ARIH1: variants seen among roughly 807,000 people sequenced by gnomAD.
The protein encoded by ARIH1 is E3 ubiquitin-protein ligase ARIH1.
ARIH1 carries 8 observed loss-of-function variants against 85.0 expected under a neutral mutation model. The ratio of observed to expected loss-of-function variants is 0.09; its 90% CI spans 0.06 to 0.17. The LOEUF (loss-of-function observed/expected upper bound fraction) is 0.17. ARIH1 is among the 10% of genes least tolerant of loss of function. ARIH1 has a pLI of 1.00. For missense variants in ARIH1, 311 were observed against 718.1 expected, an observed-to-expected ratio of 0.43 and a Z score of 6.48; for synonymous variants, 238 against 253.6, an observed-to-expected ratio of 0.94 and a Z score of 0.59.
rs116646794 is a variant in ARIH1, at chr15:72,593,371, T to A, written c.*10079T>A. 4.1e-4 allele frequency: 62 copies of A among 152,300 alleles called. No homozygotes were observed. The highest frequency in any genetic ancestry group is 1.4e-3 in the African/African-American group (59 of 41,580). The allele number at this position is 152,300 out of a possible 1,614,324, so 9.4% of individuals were successfully genotyped here. On this transcript the variant is annotated 3_prime_UTR_variant, in exon 14 of 14. Transcript: ENST00000379887. Reference sequence around the variant, plus strand: ...TCTTTCGATGAACAAATTTTTTTTATAAAATCCACTTTATCAGTTTTTTAT... The same window carrying A: ...TCTTTCGATGAACAAATTTTTTTTAAAAAATCCACTTTATCAGTTTTTTAT...
At chr15:72,532,001 A>G (rs959471918) in intron 2 of ARIH1, among the ~76,000 whole-genome samples, 8 of 152,178 alleles carry the variant, frequency 5.3e-5, no homozygotes, top group African/African-American at 4.8e-5. Flanking sequence ...TTAAATGCAT[A>G]ATGAGCTAAG....
chr15:72,597,389 A>G lies in ARIH1; in HGVS notation c.*14097A>G, dbSNP rs950266254. The G allele has an allele frequency of 7.2e-5, 11 of 152,144 alleles. No individual in the cohort carries two copies. In the South Asian group the frequency reaches 1.7e-3, roughly 23 times the overall value. The allele number at this position is 152,144 out of a possible 1,614,324, so 9.4% of individuals were successfully genotyped here. A position where few individuals can be genotyped will look rare whatever the true frequency, so the allele number is the denominator to read the frequency against. Reference sequence around the variant, plus strand: ...ATAGCTAAGCCACCAGCTTTTATCAATGTGGGAGATCTTTCCCTACTTTAC... The same window carrying G: ...ATAGCTAAGCCACCAGCTTTTATCAGTGTGGGAGATCTTTCCCTACTTTAC... On this transcript the variant is annotated 3_prime_UTR_variant, in exon 14 of 14. Coordinates refer to ENST00000379887, the MANE Select transcript of ARIH1 (RefSeq NM_005744.5).
In ARIH1 at chr15:72,563,404, T is replaced by A; in HGVS notation, c.815T>A (p.Leu272Gln). The A allele has an allele frequency of 6.2e-7, 1 of 1,613,704 alleles. No individual in the cohort carries two copies. Among genetic ancestry groups the A allele is most frequent in the Non-Finnish European group, 8.5e-7 (1 of 1,179,640 alleles). Residue 272 changes from leucine (L) to glutamine (Q), a missense_variant, in exon 7 of 14, where the codon CTG (leucine) becomes CAG (glutamine). Leu to Gln is a moderately radical substitution (Grantham distance 113). Around this residue, in one of 3 missense-constraint regions of ARIH1, gnomAD observed 104 missense variants for 221.4 expected, o/e 0.47. Transcript: ENST00000379887. ...TAACTTGTATTTCAGTGCAATCGACTGTTAAAGTGGTGTCCTGCCCCAGAT... is the reference window on the plus strand; with the variant it reads ...TAACTTGTATTTCAGTGCAATCGACAGTTAAAGTGGTGTCCTGCCCCAGAT... ...ITNSFVECNR[L>Q]LKWCPAPDCH...
chr15:72,583,371 C>T lies in ARIH1; in HGVS notation c.*79C>T, dbSNP rs2064302308. 9 of 1,175,774 alleles carry T rather than the reference C, an allele frequency of 7.7e-6. No individual in the cohort carries two copies. Among genetic ancestry groups the T allele is most frequent in the Non-Finnish European group, 1.0e-5 (8 of 799,584 alleles). The allele number at this position is 1,175,774 out of a possible 1,614,324, so 72.8% of individuals were successfully genotyped here. A position where few individuals can be genotyped will look rare whatever the true frequency, so the allele number is the denominator to read the frequency against. ...GCAATTAAAACAAAACAAACACAAA[C>T]AAGGAGGCACTAAGCCTATTCTGAC... On this transcript the variant is annotated 3_prime_UTR_variant, in exon 14 of 14. Transcript: ENST00000379887.
At chr15:72,583,065 A>G in intron 13 of ARIH1, 143 bp from the exon 14 acceptor site, 1 of 606,578 alleles carries the variant, frequency 1.6e-6, no homozygotes, top group East Asian at 2.7e-5. Context: ...TCTAGACCTG[A>G]ACATGTGCCT....
intron 1 of ARIH1, among the ~76,000 whole-genome samples, chr15:72,509,305 A>G (rs1451732215): frequency 6.6e-6 from 1 of 151,988 alleles, no homozygotes; most frequent in Non-Finnish European, 1.5e-5. Flanking sequence ...TGTTCTTTTT[A>G]AAAGAACTTC....
intron 2 of ARIH1, among the ~76,000 whole-genome samples, chr15:72,525,938 A>G (rs1022269140): frequency 3.3e-5 from 5 of 151,976 alleles, no homozygotes; most frequent in South Asian, 4.1e-4. Context: ...ACCACGTTCA[A>G]TCTCCACATT....
At chr15:72,519,016 G>C (rs1183549656) in intron 2 of ARIH1, among the ~76,000 whole-genome samples, 1 of 151,984 alleles carries the variant, frequency 6.6e-6, no homozygotes, top group Non-Finnish European at 1.5e-5. Context: ...AGTGGGACTG[G>C]AGAATGACAG....
intron 2 of ARIH1, among the ~76,000 whole-genome samples, chr15:72,540,867 C>T (rs1242525179): frequency 4.6e-5 from 7 of 152,098 alleles, no homozygotes; most frequent in Non-Finnish European, 7.3e-5. Context: ...CTCCAATATA[C>T]GCTATTTTTA....
intron 1 of ARIH1, among the ~76,000 whole-genome samples, chr15:72,485,771 CTG>C (rs1307520074): frequency 3.9e-5 from 6 of 152,114 alleles, no homozygotes; most frequent in African/African-American, 1.4e-4. Flanking sequence ...AAATTATTGA[CTG>C]TATATACACA....
At chr15:72,513,174 G>A (rs142214127) in intron 1 of ARIH1, among the ~76,000 whole-genome samples, 6 of 152,078 alleles carry the variant, frequency 3.9e-5, no homozygotes, top group Non-Finnish European at 8.8e-5. Flanking sequence ...AATTATTTAC[G>A]TGGTTAGATT....
chr15:72,555,148 A>G (rs538940557), intron 3 of ARIH1, 123 bp from the exon 4 acceptor site: 6 of 654,838 alleles, frequency 9.2e-6, no homozygotes, highest in East Asian at 2.8e-5. Flanking sequence ...GAGCCCATCT[A>G]TTGTCAAATT....
Position 72,482,978 on chromosome 15 carries a change from C to G in ARIH1, c.375+7964C>G, listed in dbSNP as rs529640812. Among the ~76,000 whole-genome samples, 3 of 151,934 alleles carry G rather than the reference C, an allele frequency of 2.0e-5. No individual in the cohort carries two copies. The East Asian group carries it at 5.8e-4, about 29-fold the overall frequency. ...ACCTCAGCCTCCTGAGTAGTTGGGA[C>G]TATAGATGTGCACCACCACACCCCA... On this transcript the variant is annotated intron_variant, in intron 1 of 13. Transcript: ENST00000379887.
intron 4 of ARIH1, 58 bp downstream of exon 4, chr15:72,555,421 T>C: frequency 9.0e-7 from 1 of 1,116,264 alleles, no homozygotes; most frequent in Admixed American, 2.1e-5. Context: ...GTTAAGACCC[T>C]TGCACAAATT....
chr15:72,508,158 G>A (rs1314407527), intron 1 of ARIH1, among the ~76,000 whole-genome samples: 3 of 152,242 alleles, frequency 2.0e-5, no homozygotes, highest in Admixed American at 1.3e-4. Flanking sequence ...ATGGACAGGG[G>A]TGGGTGGTAC....
chr15:72,577,006 G>A lies in ARIH1; in HGVS notation c.1216-3725G>A, dbSNP rs60120869. On this transcript the variant is annotated intron_variant, in intron 11 of 13. Coordinates refer to ENST00000379887, the MANE Select transcript of ARIH1 (RefSeq NM_005744.5). The stretch of plus-strand genomic sequence containing the variant: ...TTTTTTTTTTTTCTTTTTTTGAGAC[G>A]GAGTTTGCTCTTGTTACTCAGGCTG... 4.6e-3 allele frequency among the ~76,000 whole-genome samples: 689 copies of A among 150,104 alleles called. 8 individuals carry two copies. Among genetic ancestry groups the A allele is most frequent in the African/African-American group, 0.015 (631 of 40,818 alleles).
At chr15:72,534,680 TC>T (rs146112125) in intron 2 of ARIH1, among the ~76,000 whole-genome samples, 7,321 of 152,284 alleles carry the variant, frequency 0.048, 235 homozygotes, top group African/African-American at 0.094. Context: ...TTGAGCAACC[TC>T]TGCTACCCTT....
intron 11 of ARIH1, among the ~76,000 whole-genome samples, chr15:72,573,283 G>T (rs911773803): frequency 2.0e-5 from 3 of 152,132 alleles, no homozygotes; most frequent in Non-Finnish European, 2.9e-5. Flanking sequence ...AAATACGGCC[G>T]GGCTTGGTGG....
chr15:72,475,067 A>G lies in ARIH1; in HGVS notation c.375+53A>G, dbSNP rs2063788935. On this transcript the variant is annotated intron_variant, in intron 1 of 13. Coordinates refer to ENST00000379887, the MANE Select transcript of ARIH1 (RefSeq NM_005744.5). ...CCGGGCCCGACGGGGGAGCGGATTC[A>G]GGCGGCACGCGCGGTCCCGAGGGAC... The G allele has an allele frequency of 3.9e-6, 6 of 1,542,132 alleles. No homozygotes were observed. The East Asian group carries it at 1.5e-4, about 38-fold the overall frequency.
Sources: gnomAD v4.1 joint callset for allele counts (sites outside exome capture counted in the v4.1 genomes callset) on GRCh38, gnomAD v4.1.1 for gene constraint, gnomAD v4.1.1 regional missense constraint, MANE v1.5 for transcripts, NCBI Gene and HGNC (gene_info 2026-07-23, HGNC 2026-07-21) for gene names.